The following RBFOX3 variants were observed in gnomAD, a reference collection of about 807,000 sequenced individuals.
RBFOX3 encodes RNA binding fox-1 homolog 3.
In RBFOX3, 17 loss-of-function variants were observed where a neutral mutation model predicts 48.7. The observed-to-expected ratio is 0.35, with a 90% CI of 0.24 to 0.52. The LOEUF (loss-of-function observed/expected upper bound fraction) is 0.52. RBFOX3 is among the 20% of genes least tolerant of loss of function. The probability of loss-of-function intolerance (pLI) is 0.94; values close to 1 mark genes in which losing one functional copy is unlikely to be tolerated. For missense variants in RBFOX3, 382 were observed against 497.5 expected (o/e 0.77, Z 2.21); for synonymous variants, 212 against 209.5 (o/e 1.01, Z -0.10).
chr17:79,215,602 C>A (rs955883181), intron 4 of RBFOX3, among the ~76,000 whole-genome samples: 1 of 152,212 alleles, frequency 6.6e-6, no homozygotes, highest in African/African-American at 2.4e-5. Context: ...GTAAGACAGG[C>A]ACCCCTGGTG....
At chr17:79,277,357 G>A (rs898535) in intron 3 of RBFOX3, among the ~76,000 whole-genome samples, 102,814 of 150,984 alleles carry the variant, frequency 0.68, 35,098 homozygotes, top group East Asian at 0.78. Flanking sequence ...ACAGATATAA[G>A]TATTACAATT....
intron 5 of RBFOX3, 112 bp from the exon 6 acceptor site, chr17:79,106,900 C>A: frequency 7.5e-7 from 1 of 1,340,766 alleles, no homozygotes; most frequent in South Asian, 1.6e-5. Context: ...CCCTTCTGGG[C>A]CTCTCCCCCA....
the RBFOX3 span, among the ~76,000 whole-genome samples, chr17:79,652,819 A>C: frequency 5.3e-5 from 8 of 152,094 alleles, no homozygotes. Context: ...TAATACCATA[A>C]ATGTCCCCAG....
intron 2 of RBFOX3, among the ~76,000 whole-genome samples, chr17:79,381,980 C>A (rs1052310293): frequency 1.3e-5 from 2 of 152,206 alleles, no homozygotes; most frequent in Admixed American, 6.5e-5. Flanking sequence ...AAGGACAGCT[C>A]AGTGCTCCAT....
chr17:79,114,378 T>C (rs953134202), intron 5 of RBFOX3, among the ~76,000 whole-genome samples: 2 of 152,084 alleles, frequency 1.3e-5, no homozygotes, highest in Admixed American at 6.5e-5. Flanking sequence ...TCGGGGCAGA[T>C]TCGGGCTGGG....
At chr17:79,228,951 G>A (rs1343195062) in intron 4 of RBFOX3, among the ~76,000 whole-genome samples, 1 of 152,172 alleles carries the variant, frequency 6.6e-6, no homozygotes, top group East Asian at 1.9e-4. Flanking sequence ...GAGAGGGCCG[G>A]GCGCAGTGGC....
intron 1 of RBFOX3, among the ~76,000 whole-genome samples, chr17:79,512,626 T>C (rs1376692877): frequency 1.3e-5 from 2 of 148,814 alleles, no homozygotes; most frequent in Non-Finnish European, 3.0e-5. Flanking sequence ...CACACCCGGA[T>C]ACATGTTACC....
chr17:79,655,772 A>G, the RBFOX3 span, among the ~76,000 whole-genome samples: 1 of 152,234 alleles, frequency 6.6e-6, no homozygotes, highest in East Asian at 1.9e-4. Flanking sequence ...TCCAAATCTG[A>G]CCTCAAAATC....
chr17:79,500,327 G>A (rs1018281149), intron 1 of RBFOX3, among the ~76,000 whole-genome samples: 15 of 145,298 alleles, frequency 1.0e-4, no homozygotes, highest in Admixed American at 5.8e-4. Context: ...GTGCAATCTC[G>A]GCTCACTGCA....
intron 14 of RBFOX3, chr17:79,094,172 G>T: frequency 2.4e-6 from 1 of 416,832 alleles, no homozygotes; most frequent in Non-Finnish European, 4.2e-6. Context: ...TTATTATAGT[G>T]AGGGAGCTCA....
chr17:79,432,544 TAA>T (rs145381112), intron 2 of RBFOX3, among the ~76,000 whole-genome samples: 1 of 151,540 alleles, frequency 6.6e-6, no homozygotes, highest in Non-Finnish European at 1.5e-5. Context: ...CCTGTTTCGT[TAA>T]AAAAAAATCT....
At chr17:79,265,282 G>A (rs796883321) in intron 3 of RBFOX3, among the ~76,000 whole-genome samples, 45 of 152,316 alleles carry the variant, frequency 3.0e-4, no homozygotes, top group African/African-American at 9.4e-4. Context: ...CCCCGAAGCC[G>A]GCCCTGGGGG....
intron 3 of RBFOX3, among the ~76,000 whole-genome samples, chr17:79,260,967 C>A (rs767528135): frequency 1.3e-5 from 2 of 152,162 alleles, no homozygotes; most frequent in Non-Finnish European, 2.9e-5. Flanking sequence ...TCCAGCCTCT[C>A]CCCTACCATC....
At chr17:79,140,247 A>G (rs968150204) in intron 4 of RBFOX3, among the ~76,000 whole-genome samples, 1 of 152,224 alleles carries the variant, frequency 6.6e-6, no homozygotes, top group Non-Finnish European at 1.5e-5. Context: ...CTTAGTGGCT[A>G]TGGGCAAGTC....
At chr17:79,583,725 A>G (rs988839654) in intron 1 of RBFOX3, among the ~76,000 whole-genome samples, 1 of 152,078 alleles carries the variant, frequency 6.6e-6, no homozygotes, top group South Asian at 2.1e-4. Context: ...ATGAAGCACT[A>G]TCATCATGTT....
At chr17:79,302,574 G>T (rs914445891) in intron 3 of RBFOX3, among the ~76,000 whole-genome samples, 1 of 152,164 alleles carries the variant, frequency 6.6e-6, no homozygotes, top group African/African-American at 2.4e-5. Context: ...CCAGCTACTT[G>T]GGAGGCTGAA....
chr17:79,323,845 G>A (rs750510624), intron 2 of RBFOX3, among the ~76,000 whole-genome samples: 6 of 152,260 alleles, frequency 3.9e-5, no homozygotes, highest in African/African-American at 1.2e-4. Context: ...CCAAGTTGGC[G>A]AATGGAGACC....
intron 2 of RBFOX3, among the ~76,000 whole-genome samples, chr17:79,411,401 C>T (rs1290619137): frequency 2.0e-5 from 3 of 152,190 alleles, no homozygotes; most frequent in African/African-American, 4.8e-5. Context: ...GACCCAGGGC[C>T]TCTGCACGCA....
At chr17:79,619,511 T>C in the RBFOX3 span, among the ~76,000 whole-genome samples, 1 of 152,200 alleles carries the variant, frequency 6.6e-6, no homozygotes, top group African/African-American at 2.4e-5. Flanking sequence ...TCTGCCCTTC[T>C]TTGTACAAGG....
Sources: gnomAD v4.1 joint callset for allele counts (sites outside exome capture counted in the v4.1 genomes callset) on GRCh38, gnomAD v4.1.1 for gene constraint, MANE v1.5 for transcripts, NCBI Gene and HGNC (gene_info 2026-07-23, HGNC 2026-07-21) for gene names.